The following SKA3 variants were observed in gnomAD, a reference collection of about 807,000 sequenced individuals.
SKA3 encodes spindle and kinetochore-associated protein 3.
Under a neutral mutation model 44.2 loss-of-function variants are expected in SKA3, and 39 were observed. The ratio of observed to expected loss-of-function variants is 0.88; its 90% CI spans 0.68 to 1.15. The LOEUF (loss-of-function observed/expected upper bound fraction) is 1.15, where lower values mean the gene tolerates loss of function less well. SKA3 is among the 50% of genes most tolerant of loss of function. SKA3 has a pLI of 0.00. For missense variants in SKA3, 511 were observed against 485.8 expected (o/e 1.05, Z -0.49); for synonymous variants, 192 against 172.0 (o/e 1.12, Z -0.91).
intron 4 of SKA3, among the ~76,000 whole-genome samples, chr13:21,164,645 G>C (rs985228317): frequency 2.0e-5 from 3 of 152,192 alleles, no homozygotes; most frequent in Admixed American, 1.3e-4. Context: ...TGCTTTTGGT[G>C]TTAGTGGTTT....
intron 1 of SKA3, among the ~76,000 whole-genome samples, chr13:21,174,232 T>C (rs1871267791): frequency 6.6e-6 from 1 of 152,184 alleles, no homozygotes; most frequent in Non-Finnish European, 1.5e-5. Flanking sequence ...AGCCATCCCA[T>C]CACTGGGTAT....
chr13:21,159,999 A>G lies in SKA3; in HGVS notation c.830-12T>C, dbSNP rs1870350056. On this transcript the variant is annotated splice_polypyrimidine_tract_variant and intron_variant, in intron 5 of 8. Coordinates refer to ENST00000314759, the MANE Select transcript of SKA3 (RefSeq NM_145061.6). ...GGTATATTCGGCATCTAAAAGACAC[A>G]TAAAATGGTCATTAAAAAACTATAA... 1 of 1,582,288 alleles carries G rather than the reference A, an allele frequency of 6.3e-7. No homozygotes were observed. The highest frequency in any genetic ancestry group is 1.9e-5 in the Admixed American group (1 of 53,334).
intron 8 of SKA3, 62 bp from the exon 9 acceptor site, chr13:21,155,212 A>G: frequency 8.2e-7 from 1 of 1,220,560 alleles, no homozygotes; most frequent in Non-Finnish European, 1.1e-6. Flanking sequence ...AAGACAAATG[A>G]CACAATACTG....
rs752054841 is a variant in SKA3 at position 21,153,823 on chromosome 13, G to A, written c.*1327C>T. 6 of 152,150 alleles carry A rather than the reference G, an allele frequency of 3.9e-5. No individual in the cohort carries two copies. Among genetic ancestry groups the A allele is most frequent in the East Asian group, 1.9e-4 (1 of 5,200 alleles). 9.4% of individuals were successfully genotyped at this position (152,150 alleles called of 1,614,324 possible). A position where few individuals can be genotyped will look rare whatever the true frequency, so the allele number is the denominator to read the frequency against. On this transcript the variant is annotated 3_prime_UTR_variant, in exon 9 of 9. Transcript: ENST00000314759. ...CGGTTCTGTGGATTTATATACACACGGTACACAGTGAAAGGCTGGTATACA... is the reference window on the plus strand; with the variant it reads ...CGGTTCTGTGGATTTATATACACACAGTACACAGTGAAAGGCTGGTATACA...
chr13:21,160,636 T>TA (rs1870386709), intron 5 of SKA3, among the ~76,000 whole-genome samples: 1 of 152,160 alleles, frequency 6.6e-6, no homozygotes, highest in East Asian at 1.9e-4. Flanking sequence ...AGTGAGAAGA[T>TA]AAATCTTAAC....
intron 5 of SKA3, among the ~76,000 whole-genome samples, chr13:21,161,028 G>T (rs895614313): frequency 1.3e-5 from 2 of 152,098 alleles, no homozygotes; most frequent in Non-Finnish European, 1.5e-5. Context: ...GGGCTGAGGT[G>T]GGAGGACTGG....
chr13:21,155,087 C>G lies in SKA3; in HGVS notation c.*63G>C. 6.2e-7 allele frequency: 1 copy of G among 1,606,048 alleles called. No individual in the cohort carries two copies. Among genetic ancestry groups the G allele is most frequent in the Non-Finnish European group, 8.5e-7 (1 of 1,175,098 alleles). On this transcript the variant is annotated 3_prime_UTR_variant, in exon 9 of 9. Transcript: ENST00000314759. Reference sequence around the variant, plus strand: ...GGCAGGGCAATGTGAATGTTAAAATCGGTCCAGCTCGGCTTTCATCTCATT... The same window carrying G: ...GGCAGGGCAATGTGAATGTTAAAATGGGTCCAGCTCGGCTTTCATCTCATT...
At chr13:21,174,737 T>A (rs977544775) in intron 1 of SKA3, among the ~76,000 whole-genome samples, 8 of 147,284 alleles carry the variant, frequency 5.4e-5, no homozygotes, top group African/African-American at 1.5e-4. Flanking sequence ...ATAATAATTT[T>A]AAAAAAAGAA....
At chr13:21,160,405 AAAGAT>A (rs1342904382) in intron 5 of SKA3, among the ~76,000 whole-genome samples, 5 of 147,716 alleles carry the variant, frequency 3.4e-5, no homozygotes, top group African/African-American at 1.3e-4. Flanking sequence ...TGGAAAAATT[AAAGAT>A]AAGAACAAGA....
At chr13:21,171,131 T>C (rs1316463812) in intron 3 of SKA3, among the ~76,000 whole-genome samples, 1 of 152,066 alleles carries the variant, frequency 6.6e-6, no homozygotes, top group East Asian at 1.9e-4. Flanking sequence ...CAGAGTCTCA[T>C]TATGTAGCCC....
intron 3 of SKA3, among the ~76,000 whole-genome samples, chr13:21,169,525 C>T (rs1870920848): frequency 6.6e-6 from 1 of 151,990 alleles, no homozygotes; most frequent in Admixed American, 6.6e-5. Context: ...CTGTACCTAG[C>T]CCGCCTCCAG....
intron 4 of SKA3, among the ~76,000 whole-genome samples, chr13:21,164,182 A>G (rs1870588462): frequency 6.6e-6 from 1 of 152,216 alleles, no homozygotes. Context: ...ATATATGCAC[A>G]TATATTTATC....
chr13:21,163,370 G>C (rs1452529501), intron 4 of SKA3, among the ~76,000 whole-genome samples: 1 of 151,954 alleles, frequency 6.6e-6, no homozygotes, highest in African/African-American at 2.4e-5. Context: ...TTGTGCTTTT[G>C]AACTTTTGAA....
intron 6 of SKA3, among the ~76,000 whole-genome samples, chr13:21,158,388 C>A (rs956447105): frequency 6.6e-6 from 1 of 151,734 alleles, no homozygotes; most frequent in Non-Finnish European, 1.5e-5. Context: ...TTTGGGAGGC[C>A]GAGGTGGGCC....
At chr13:21,159,779 T>C in intron 6 of SKA3, 123 bp downstream of exon 6, 2 of 636,414 alleles carry the variant, frequency 3.1e-6, no homozygotes, top group Non-Finnish European at 5.2e-6. Context: ...AAATGCACTG[T>C]AAATACATCC....
At position 21,176,430 on chromosome 13, in the gene SKA3, G is replaced by C. The variant is rs753719489; in HGVS notation, c.48C>G (p.Ser16Arg). The change falls in exon 1 of 9, where the codon AGC (serine) becomes AGG (arginine). Residue 16 changes from serine to arginine, a missense_variant. Physicochemically the swap from Ser to Arg is moderately radical, Grantham distance 110 (BLOSUM62 -1). Coordinates refer to ENST00000314759, the MANE Select transcript of SKA3 (RefSeq NM_145061.6). The part of the protein sequence containing the change: ...SFCGKLRSLA[S>R]TLDCETARLQ... ...GCCGGGCCGTCTCGCAGTCCAGCGT[G>C]CTGGCCAGAGACCGCAGCTTCCCGC... 11 of 1,585,110 alleles carry C rather than the reference G, an allele frequency of 6.9e-6. No homozygotes were observed. In the African/African-American group the frequency reaches 9.6e-5, roughly 14 times the overall value.
In SKA3 at chr13:21,161,886, T is replaced by A; in HGVS notation, c.744-11A>T. 1 of 1,582,222 alleles carries A rather than the reference T, an allele frequency of 6.3e-7. No homozygotes were observed. The highest frequency in any genetic ancestry group is 1.2e-5 in the South Asian group (1 of 85,408). Reference sequence around the variant, plus strand: ...TCTATGGCCTCCTCACTGGTGTGATTCATAGGGAAATTACAAGGTTAAAAA... The same window carrying A: ...TCTATGGCCTCCTCACTGGTGTGATACATAGGGAAATTACAAGGTTAAAAA... On this transcript the variant is annotated splice_polypyrimidine_tract_variant and intron_variant, in intron 4 of 8. Coordinates refer to ENST00000314759, the MANE Select transcript of SKA3 (RefSeq NM_145061.6).
chr13:21,168,553 G>T (rs1404360704), intron 3 of SKA3, among the ~76,000 whole-genome samples, 154 bp from the exon 4 acceptor site: 4 of 152,180 alleles, frequency 2.6e-5, no homozygotes. Context: ...TTGAGACAGG[G>T]TCTCGCTCTG....
At chr13:21,160,304 G>A (rs548589012) in intron 5 of SKA3, among the ~76,000 whole-genome samples, 2 of 152,106 alleles carry the variant, frequency 1.3e-5, no homozygotes, top group African/African-American at 4.8e-5. Flanking sequence ...CAAAGGAGGA[G>A]GAAGACGGAG....
Sources: gnomAD v4.1 joint callset for allele counts (sites outside exome capture counted in the v4.1 genomes callset) on GRCh38, gnomAD v4.1.1 for gene constraint, MANE v1.5 for transcripts, NCBI Gene and HGNC (gene_info 2026-07-23, HGNC 2026-07-21) for gene names.